The following LRRC7 variants were observed in gnomAD, a reference collection of about 807,000 sequenced individuals.
The protein encoded by LRRC7 is leucine-rich repeat-containing protein 7.
In LRRC7, 23 loss-of-function variants were observed where a neutral mutation model predicts 175.7. The observed-to-expected ratio is 0.13, with a 90% CI of 0.09 to 0.19. LRRC7 has a LOEUF of 0.19. Among genes scored for constraint, LRRC7 ranks in the 10% least tolerant of loss-of-function variants. The probability of loss-of-function intolerance (pLI) is 1.00; values close to 1 mark genes in which losing one functional copy is unlikely to be tolerated. For synonymous variants in LRRC7, 685 were observed against 680.9 expected (o/e 1.01, Z -0.09); for missense variants, 1,354 against 1,904.7 (o/e 0.71, Z 5.38).
chr1:69,895,922 G>A (rs1377051828), intron 7 of LRRC7, among the ~76,000 whole-genome samples: 1 of 152,156 alleles, frequency 6.6e-6, no homozygotes, highest in East Asian at 1.9e-4. Context: ...TATGAATGTT[G>A]AGGAAAAGAA....
In LRRC7 at chr1:70,124,260, C is replaced by T. The variant is rs1034722655; in HGVS notation, c.*2373C>T. 6.6e-6 allele frequency among the ~76,000 whole-genome samples: 1 copy of T among 152,218 alleles called. No homozygotes were observed. The highest frequency in any genetic ancestry group is 1.5e-5 in the Non-Finnish European group (1 of 68,036). ...AACAGGCAGGCCAGGCGTGGTGGCT[C>T]ACACTAGTAATCCCCACACTTTGGG... On this transcript the variant is annotated 3_prime_UTR_variant, in exon 27 of 27. Transcript: ENST00000651989.
chr1:69,932,568 A>G (rs1365896739), intron 8 of LRRC7, among the ~76,000 whole-genome samples: 6 of 152,230 alleles, frequency 3.9e-5, no homozygotes, highest in Non-Finnish European at 8.8e-5. Flanking sequence ...TACTTCAACC[A>G]TAGCTAATCT....
At chr1:69,743,956 T>A (rs1668988633) in intron 2 of LRRC7, among the ~76,000 whole-genome samples, 1 of 151,638 alleles carries the variant, frequency 6.6e-6, no homozygotes, top group Non-Finnish European at 1.5e-5. Context: ...AAGTGGAAAA[T>A]TTCTCTAAAA....
At chr1:70,018,916 A>G (rs1657194759) in intron 15 of LRRC7, 98 bp downstream of exon 15, 8 of 807,248 alleles carry the variant, frequency 9.9e-6, no homozygotes, top group South Asian at 1.7e-5. Context: ...TGGCACATGG[A>G]CAAGCTTATA....
At chr1:70,078,824 GCACACACACA>G (rs769239262) in intron 24 of LRRC7, among the ~76,000 whole-genome samples, 7 of 130,792 alleles carry the variant, frequency 5.4e-5, no homozygotes, top group African/African-American at 2.2e-4. Context: ...ACACACACAC[GCACACACACA>G]CACACACACA....
chr1:70,087,147 G>T (rs1420562321), intron 24 of LRRC7, among the ~76,000 whole-genome samples: 1 of 152,026 alleles, frequency 6.6e-6, no homozygotes, highest in Non-Finnish European at 1.5e-5. Context: ...TCATACACTT[G>T]GCACATGTGA....
In LRRC7 at chr1:70,123,851, T is replaced by C. The variant is rs950529483; in HGVS notation, c.*1964T>C. ...AGATCACTTAAAGAAAAAAAACTCA[T>C]GGCTGTAGTTTGGTGGCAATGAAAC... On this transcript the variant is annotated 3_prime_UTR_variant, in exon 27 of 27. Transcript: ENST00000651989. Among the ~76,000 whole-genome samples, 26 of 152,154 alleles carry C rather than the reference T, an allele frequency of 1.7e-4. No homozygotes were observed. The highest frequency in any genetic ancestry group is 5.3e-4 in the African/African-American group (22 of 41,448).
chr1:69,735,308 T>C (rs1033199088), intron 2 of LRRC7, among the ~76,000 whole-genome samples: 1 of 152,176 alleles, frequency 6.6e-6, no homozygotes, highest in Non-Finnish European at 1.5e-5. Context: ...GTAGTTTCTC[T>C]GCATTTCTTC....
In LRRC7 at chr1:69,678,406, A is replaced by C. The variant is rs1238565021; in HGVS notation, c.28A>C (p.Asn10His). 6.2e-7 allele frequency: 1 copy of C among 1,601,466 alleles called. No individual in the cohort carries two copies. The highest frequency in any genetic ancestry group is 1.1e-5 in the South Asian group (1 of 88,742). The change falls in exon 2 of 27, where the codon AAT becomes CAT. Residue 10 changes from asparagine to histidine, a missense_variant. This residue lies in a region of LRRC7 where 68 missense variants were observed against 83.4 expected (regional missense o/e 0.82). Coordinates refer to ENST00000651989, the MANE Select transcript of LRRC7 (RefSeq NM_001370785.2). ...GATGGAGAACCTAATAAGGGGAAGG[A>C]ATCCCCCGCAATACCAGAGAAGTCC... MMENLIRGR[N>H]PPQYQRSPCK...
chr1:69,729,510 A>G (rs1457418870), intron 2 of LRRC7, among the ~76,000 whole-genome samples: 1 of 152,204 alleles, frequency 6.6e-6, no homozygotes, highest in African/African-American at 2.4e-5. Flanking sequence ...CAAGTCCAAA[A>G]TCAAGCAGGG....
At chr1:69,834,734 CT>C (rs774232961) in intron 5 of LRRC7, 45 bp from the exon 6 acceptor site, 2 of 1,404,764 alleles carry the variant, frequency 1.4e-6, no homozygotes, top group Non-Finnish European at 2.0e-6. Context: ...TGTTCTGTTT[CT>C]ATAGCAACAT....
At chr1:69,633,939 T>G (rs1263860796) in intron 1 of LRRC7, among the ~76,000 whole-genome samples, 1 of 152,122 alleles carries the variant, frequency 6.6e-6, no homozygotes, top group Non-Finnish European at 1.5e-5. Flanking sequence ...TAATCTTTCC[T>G]GTCATTTTGT....
At position 70,033,014 on chromosome 1, in the gene LRRC7, A is replaced by G. The variant is rs1658924854; in HGVS notation, c.1996-3107A>G. On this transcript the variant is annotated intron_variant, in intron 18 of 26. Transcript: ENST00000651989. ...TCCCCAAAACTTTGCCCACTTTTCC[A>G]AAAGGAACTCAATTCCTCTAGCCTC... Among the ~76,000 whole-genome samples, 3 of 152,198 alleles carry G rather than the reference A, an allele frequency of 2.0e-5. No homozygotes were observed. In the South Asian group the frequency reaches 6.2e-4, roughly 31 times the overall value.
chr1:69,769,876 G>A (rs1402513972), intron 3 of LRRC7, among the ~76,000 whole-genome samples: 1 of 152,222 alleles, frequency 6.6e-6, no homozygotes, highest in East Asian at 1.9e-4. Context: ...AGTTGTGTCA[G>A]TTAGTTTTTT....
chr1:69,570,313 AAAT>A (rs35984145), intron 1 of LRRC7, among the ~76,000 whole-genome samples: 3 of 151,226 alleles, frequency 2.0e-5, no homozygotes, highest in East Asian at 3.9e-4. Context: ...TATAGAAGGA[AAAT>A]AATAATAATA....
chr1:69,766,255 C>A (rs1355146649), intron 3 of LRRC7, among the ~76,000 whole-genome samples: 1 of 152,114 alleles, frequency 6.6e-6, no homozygotes, highest in African/African-American at 2.4e-5. Flanking sequence ...GAGAGGAATG[C>A]AACATCCCAA....
chr1:69,972,015 A>G (rs750785153), intron 8 of LRRC7, among the ~76,000 whole-genome samples: 4 of 152,214 alleles, frequency 2.6e-5, no homozygotes, highest in Non-Finnish European at 5.9e-5. Flanking sequence ...AAAAAGGTAA[A>G]GTGGAGAAAG....
intron 2 of LRRC7, among the ~76,000 whole-genome samples, chr1:69,708,496 T>A (rs560522619): frequency 6.6e-6 from 1 of 152,210 alleles, no homozygotes. Flanking sequence ...TTCACTAAAC[T>A]GTTACCACCT....
intron 1 of LRRC7, among the ~76,000 whole-genome samples, chr1:69,605,006 T>A (rs775528477): frequency 1.3e-5 from 2 of 152,174 alleles, no homozygotes; most frequent in Non-Finnish European, 2.9e-5. Flanking sequence ...CTAGGCTGGC[T>A]GGATAGGCAG....
Sources: allele counts gnomAD v4.1 joint callset (sites outside exome capture counted in the v4.1 genomes callset), GRCh38; gene constraint gnomAD v4.1.1; regional missense constraint gnomAD v4.1.1; transcripts MANE v1.5; gene names NCBI Gene and HGNC (gene_info 2026-07-23, HGNC 2026-07-21).